FRMD8: variants seen among roughly 807,000 people sequenced by gnomAD.
The protein encoded by FRMD8 is FERM domain-containing protein 8.
FRMD8 carries 37 observed loss-of-function variants against 54.2 expected under a neutral mutation model. The ratio of observed to expected loss-of-function variants is 0.68; its 90% CI spans 0.53 to 0.90. FRMD8 has a LOEUF of 0.90. FRMD8 is among the 40% of genes least tolerant of loss of function. FRMD8 has a pLI of 0.00. For missense variants in FRMD8, 585 were observed against 653.7 expected, an observed-to-expected ratio of 0.89 and a Z score of 1.15; for synonymous variants, 246 against 286.9, an observed-to-expected ratio of 0.86 and a Z score of 1.44.
the FRMD8 span, among the ~76,000 whole-genome samples, chr11:65,370,968 G>C: frequency 1.1e-4 from 16 of 152,142 alleles, no homozygotes; most frequent in African/African-American, 3.9e-4. Flanking sequence ...TTGGCATGGC[G>C]GGGGTGAAGA....
the FRMD8 span, chr11:65,380,048 G>A: frequency 6.3e-7 from 1 of 1,584,174 alleles, no homozygotes; most frequent in Non-Finnish European, 8.7e-7. Flanking sequence ...GGAAAGGCAA[G>A]ATTAGCCAGG....
the FRMD8 span, chr11:65,377,099 GC>G: frequency 3.1e-6 from 5 of 1,604,126 alleles, no homozygotes; most frequent in Non-Finnish European, 4.3e-6. Context: ...AAACATGAGG[GC>G]CCCGGGTGGG....
At chr11:65,407,489 T>C (rs1856226926) in intron 10 of FRMD8, among the ~76,000 whole-genome samples, 1 of 151,974 alleles carries the variant, frequency 6.6e-6, no homozygotes, top group Non-Finnish European at 1.5e-5. Context: ...TGACCTCAAG[T>C]GATCTGCTCA....
the FRMD8 span, chr11:65,376,108 G>T: frequency 2.2e-6 from 1 of 463,588 alleles, no homozygotes; most frequent in East Asian, 3.6e-5. Flanking sequence ...GAAGGCACAG[G>T]ACAGGAGCTG....
rs1855747459 is a variant in FRMD8, at chr11:65,387,061, G to C, written c.25G>C (p.Gly9Arg). MDGTEGSAGQPGPAERSHR... is the reference protein window; with the variant it reads MDGTEGSARQPGPAERSHR... ...GATGGACGGGACAGAAGGCAGTGCCGGGCAGCCCGGCCCCGCTGAGCGATC... is the reference window on the plus strand; with the variant it reads ...GATGGACGGGACAGAAGGCAGTGCCCGGCAGCCCGGCCCCGCTGAGCGATC... The change falls in exon 2 of 11, where the codon GGG becomes CGG. Residue 9 changes from glycine (G) to arginine (R), a missense_variant. Coordinates refer to ENST00000317568, the MANE Select transcript of FRMD8 (RefSeq NM_031904.5). 1.2e-6 allele frequency: 2 copies of C among 1,609,150 alleles called. No homozygotes were observed. The highest frequency in any genetic ancestry group is 1.7e-6 in the Non-Finnish European group (2 of 1,179,994).
At chr11:65,388,435 C>G (rs142214947) in intron 2 of FRMD8, among the ~76,000 whole-genome samples, 1 of 151,904 alleles carries the variant, frequency 6.6e-6, no homozygotes, top group East Asian at 1.9e-4. Context: ...CCGTGCCCTT[C>G]CCTTCCACAC....
chr11:65,404,308 A>G lies in FRMD8; in HGVS notation c.1072-556A>G, dbSNP rs537788035. ...CCTCTGCGACTCCCTCAAACCCCTG[A>G]AGGCCCTGTCCTTGGTGCCCAGCTG... is the stretch of plus-strand genomic sequence containing the variant. On this transcript the variant is annotated intron_variant, in intron 9 of 10. Coordinates refer to ENST00000317568, the MANE Select transcript of FRMD8 (RefSeq NM_031904.5). This position sits in a 1 kb window ranked among gnomAD's most constrained non-coding sequence, Gnocchi z 4.7. 4.6e-5 allele frequency among the ~76,000 whole-genome samples: 7 copies of G among 152,264 alleles called. No homozygotes were observed. The South Asian group carries it at 1.5e-3, about 32-fold the overall frequency.
At chr11:65,405,217 G>GC (rs544143404) in intron 10 of FRMD8, 149 bp downstream of exon 10, 193 of 734,012 alleles carry the variant, frequency 2.6e-4, no homozygotes, top group African/African-American at 2.3e-3. Context: ...AGCAGGCCGA[G>GC]CCCGGGCCTT....
intron 8 of FRMD8, 112 bp downstream of exon 8, chr11:65,399,971 T>C: frequency 7.7e-7 from 1 of 1,305,530 alleles, no homozygotes; most frequent in Admixed American, 2.3e-5. Context: ...ATGGACTGTC[T>C]GGGAGGGACC....
chr11:65,410,815 A>G (rs533894563), intron 10 of FRMD8, among the ~76,000 whole-genome samples: 4 of 151,942 alleles, frequency 2.6e-5, no homozygotes, highest in African/African-American at 9.7e-5. Flanking sequence ...AAACAAACCC[A>G]AAAAAAACCA....
chr11:65,385,841 C>A (rs1855720625), upstream of FRMD8, among the ~76,000 whole-genome samples: 3 of 151,954 alleles, frequency 2.0e-5, no homozygotes, highest in South Asian at 6.2e-4. Context: ...GTCGCCCAGG[C>A]TAGAGTGCAG....
chr11:65,396,129 G>C (rs961817089), intron 6 of FRMD8, among the ~76,000 whole-genome samples: 4 of 152,280 alleles, frequency 2.6e-5, no homozygotes, highest in Admixed American at 2.6e-4. Flanking sequence ...CTTTCCCTTC[G>C]GCTCCTATGA....
chr11:65,399,947 T>C, intron 8 of FRMD8, 88 bp downstream of exon 8: 2 of 1,489,466 alleles, frequency 1.3e-6, no homozygotes, highest in Non-Finnish European at 1.8e-6. Flanking sequence ...TGTGGGGGCC[T>C]GGGGGCAAGG....
intron 7 of FRMD8, among the ~76,000 whole-genome samples, chr11:65,397,603 C>T (rs994185515): frequency 3.9e-5 from 6 of 152,180 alleles, no homozygotes; most frequent in East Asian, 1.9e-4. Context: ...GTGGATGAAG[C>T]GAAGGAGAGG....
the FRMD8 span, chr11:65,377,069 C>T: frequency 1.2e-6 from 2 of 1,613,346 alleles, no homozygotes; most frequent in Non-Finnish European, 1.7e-6. Context: ...AGGAGCCAGA[C>T]AGTAGGCCTG....
chr11:65,388,234 G>GT (rs1855772696), intron 2 of FRMD8, among the ~76,000 whole-genome samples: 1 of 152,068 alleles, frequency 6.6e-6, no homozygotes, highest in Non-Finnish European at 1.5e-5. Flanking sequence ...CCCTAGGGAG[G>GT]TTAAGTCCCA....
At position 65,405,045 on chromosome 11, in the gene FRMD8, C is replaced by T; in HGVS notation, c.1253C>T (p.Ser418Phe). The T allele has an allele frequency of 6.2e-7, 1 of 1,613,540 alleles. No individual in the cohort carries two copies. Among genetic ancestry groups the T allele is most frequent in the South Asian group, 1.1e-5 (1 of 91,090 alleles). The change falls in exon 10 of 11, where the codon TCC becomes TTC. Residue 418 changes from serine to phenylalanine, a missense_variant. Ser to Phe is a radical substitution (Grantham distance 155). Coordinates refer to ENST00000317568, the MANE Select transcript of FRMD8 (RefSeq NM_031904.5). ...GTGTCCAGCCGGATCCAGCATCTCT[C>T]CACCATCGACTACGTGGAGGACGGT... ...SVVSSRIQHL[S>F]TIDYVEDGKG... is the part of the protein sequence containing the mutation.
At chr11:65,396,544 G>A (rs1224846174) in intron 6 of FRMD8, among the ~76,000 whole-genome samples, 1 of 152,148 alleles carries the variant, frequency 6.6e-6, no homozygotes, top group Non-Finnish European at 1.5e-5. Flanking sequence ...GACAGGAGGT[G>A]CCTCTCACCA....
At position 65,399,019 on chromosome 11, in the gene FRMD8, A is replaced by T. The variant is rs563631771; in HGVS notation, c.804-717A>T. Among the ~76,000 whole-genome samples the T allele has an allele frequency of 3.8e-4, 43 of 114,316 alleles. No individual in the cohort carries two copies. In the South Asian group the frequency reaches 0.012, roughly 31 times the overall value. 75.0% of individuals were successfully genotyped at this position (114,316 alleles called of 152,430 possible). A position where few individuals can be genotyped will look rare whatever the true frequency, so the allele number is the denominator to read the frequency against. Reference sequence around the variant, plus strand: ...GTTTTTTTTTTTTTTTTTTTTTGAGATGGAGTCTCGCTCTGTTGCCCAGGC... The same window carrying T: ...GTTTTTTTTTTTTTTTTTTTTTGAGTTGGAGTCTCGCTCTGTTGCCCAGGC... On this transcript the variant is annotated intron_variant, in intron 7 of 10. Coordinates refer to ENST00000317568, the MANE Select transcript of FRMD8 (RefSeq NM_031904.5).
Sources: allele counts gnomAD v4.1 joint callset (sites outside exome capture counted in the v4.1 genomes callset), GRCh38; gene constraint gnomAD v4.1.1; non-coding constraint Gnocchi (gnomAD v3.1); transcripts MANE v1.5; gene names NCBI Gene and HGNC (gene_info 2026-07-23, HGNC 2026-07-21).